INO80: variants seen among roughly 807,000 people sequenced by gnomAD.
INO80 encodes the protein chromatin-remodeling ATPase INO80.
INO80 carries 20 observed loss-of-function variants against 203.4 expected under a neutral mutation model. That is an observed-to-expected ratio of 0.10 (90% CI 0.07 to 0.14). The LOEUF is 0.14. Ranked by LOEUF, INO80 falls within the 10% of genes least tolerant of loss-of-function variation. INO80 has a pLI of 1.00. For synonymous variants in INO80, 726 were observed against 685.2 expected, an observed-to-expected ratio of 1.06 and a Z score of -0.93; for missense variants, 1,419 against 1,914.4, an observed-to-expected ratio of 0.74 and a Z score of 4.83.
chr15:41,091,882 G>A, intron 5 of INO80, 145 bp downstream of exon 5: 1 of 539,850 alleles, frequency 1.9e-6, no homozygotes, highest in Non-Finnish European at 3.2e-6. Context: ...TCAATTTCTT[G>A]ACCTCATGAT....
At chr15:41,015,545 C>T (rs182738885) in intron 27 of INO80, among the ~76,000 whole-genome samples, 2 of 152,118 alleles carry the variant, frequency 1.3e-5, no homozygotes, top group Admixed American at 1.3e-4. Context: ...AAGGGGTGTT[C>T]TATTTCACTG....
At position 41,096,344 on chromosome 15, in the gene INO80, G is replaced by T; in HGVS notation, c.-34C>A. 1 of 1,537,150 alleles carries T rather than the reference G, an allele frequency of 6.5e-7. No individual in the cohort carries two copies. The highest frequency in any genetic ancestry group is 1.2e-5 in the South Asian group (1 of 80,418). Reference sequence around the variant, plus strand: ...TCTGTCTTCATGCACAAGGACCTCCGACTGCACGGCTGCAGAACAGAGATA... The same window carrying T: ...TCTGTCTTCATGCACAAGGACCTCCTACTGCACGGCTGCAGAACAGAGATA... On this transcript the variant is annotated 5_prime_UTR_variant, in exon 2 of 36. Coordinates refer to ENST00000648947, the MANE Select transcript of INO80 (RefSeq NM_017553.3).
intron 24 of INO80, among the ~76,000 whole-genome samples, chr15:41,035,637 T>C (rs2044559255): frequency 6.6e-6 from 1 of 150,660 alleles, no homozygotes; most frequent in Non-Finnish European, 1.5e-5. Context: ...CTGGCCAACA[T>C]GGTGAAACCC....
chr15:41,049,456 C>T, intron 20 of INO80, 36 bp from the exon 21 acceptor site: 1 of 1,599,158 alleles, frequency 6.3e-7, no homozygotes, highest in Non-Finnish European at 8.6e-7. Context: ...AATATTACCA[C>T]ATGCAGACAT....
chr15:40,995,980 T>A (rs2043876099), intron 29 of INO80, among the ~76,000 whole-genome samples: 1 of 152,160 alleles, frequency 6.6e-6, no homozygotes, highest in Non-Finnish European at 1.5e-5. Context: ...AAAGTTTAGA[T>A]GCCAAGGAAG....
At chr15:41,060,728 C>T (rs140604230) in intron 14 of INO80, among the ~76,000 whole-genome samples, 17 of 152,124 alleles carry the variant, frequency 1.1e-4, no homozygotes, top group African/African-American at 2.4e-4. Context: ...GAATAGGTAC[C>T]GACTCCCCGC....
chr15:41,074,370 C>T lies in INO80; in HGVS notation c.1327G>A (p.Asp443Asn). 6.2e-7 allele frequency: 1 copy of T among 1,604,818 alleles called. No individual in the cohort carries two copies. Among genetic ancestry groups the T allele is most frequent in the Non-Finnish European group, 8.5e-7 (1 of 1,174,428 alleles). ...CTCTAAGTCCTGACTGAGGACTCAC[C>T]ATAATCCTCCTGTGTGATGTTAACT... Reference protein sequence around the residue: ...VVVNITQEDYDSNHFKAQALK... With the variant: ...VVVNITQEDYNSNHFKAQALK... The change falls in exon 10 of 36, where the codon GAT becomes AAT. Residue 443 changes from aspartate (D) to asparagine (N), a missense_variant and splice_region_variant. This residue lies in a region of INO80 where 116 missense variants were observed against 119.5 expected (regional missense o/e 0.97). Transcript: ENST00000648947.
chr15:41,015,607 ACT>A (rs1377109180), intron 27 of INO80, among the ~76,000 whole-genome samples: 1 of 151,782 alleles, frequency 6.6e-6, no homozygotes, highest in Non-Finnish European at 1.5e-5. Context: ...CCAGGAGCTA[ACT>A]CTGCTCCCTT....
intron 24 of INO80, chr15:41,027,988 A>T: frequency 3.8e-6 from 1 of 259,780 alleles, no homozygotes. Flanking sequence ...TCTGGAAGAG[A>T]TATTGTTAAT....
At chr15:40,998,239 T>C (rs1596244907) in intron 28 of INO80, among the ~76,000 whole-genome samples, 1 of 152,000 alleles carries the variant, frequency 6.6e-6, no homozygotes, top group African/African-American at 2.4e-5. Flanking sequence ...GCCAGGCTGG[T>C]CTTGAACTCC....
intron 23 of INO80, among the ~76,000 whole-genome samples, chr15:41,046,910 G>A (rs992526224): frequency 2.0e-5 from 3 of 151,686 alleles, no homozygotes; most frequent in Admixed American, 6.6e-5. Context: ...GAGCCACTGC[G>A]CCTGGGCCTG....
At chr15:41,063,232 G>A (rs1034436098) in intron 14 of INO80, among the ~76,000 whole-genome samples, 1 of 152,094 alleles carries the variant, frequency 6.6e-6, no homozygotes, top group Non-Finnish European at 1.5e-5. Flanking sequence ...AGCTACTCAG[G>A]ATGTTGAGGC....
intron 25 of INO80, among the ~76,000 whole-genome samples, chr15:41,022,332 C>T (rs2044306664): frequency 6.6e-6 from 1 of 152,184 alleles, no homozygotes; most frequent in Non-Finnish European, 1.5e-5. Context: ...ACCAAGGGAA[C>T]TTGATCTTGC....
At chr15:41,037,908 A>G (rs1008512246) in intron 24 of INO80, among the ~76,000 whole-genome samples, 1 of 151,586 alleles carries the variant, frequency 6.6e-6, no homozygotes, top group African/African-American at 2.4e-5. Context: ...GTGCCACTGC[A>G]CTTTAGCCTG....
intron 1 of INO80, among the ~76,000 whole-genome samples, chr15:41,113,182 C>T (rs2928150): frequency 0.12 from 18,046 of 151,864 alleles, 3,206 homozygotes; most frequent in African/African-American, 0.39. Context: ...CCCAAAGTGC[C>T]GGGATTACAG....
chr15:40,991,413 A>C (rs2043815363), intron 29 of INO80, among the ~76,000 whole-genome samples: 1 of 152,132 alleles, frequency 6.6e-6, no homozygotes, highest in Admixed American at 6.6e-5. Flanking sequence ...ATTAACCGTG[A>C]TGTGAACTGG....
At chr15:41,059,718 T>C in intron 15 of INO80, 149 bp downstream of exon 15, 1 of 540,958 alleles carries the variant, frequency 1.8e-6, no homozygotes, top group Non-Finnish European at 3.3e-6. Context: ...ACAGGAAAAG[T>C]ATTGTATCAG....
At position 41,049,962 on chromosome 15, in the gene INO80, G is replaced by A. The variant is rs2044840066; in HGVS notation, c.2415C>T (p.Leu805=). ...TCCTAAACTGCATGACCAGATTCAT[G>A]AGGCTGCTGGTGGTGTTCTGTGCTT... ...TQQAQNTTSS[L]MNLVMQFRKV... The change falls in exon 20 of 36, where the codon CTC becomes CTT. Residue 805 remains leucine (L), a synonymous_variant. Transcript: ENST00000648947. The A allele has an allele frequency of 6.8e-6, 11 of 1,613,540 alleles. No individual in the cohort carries two copies. Among genetic ancestry groups the A allele is most frequent in the South Asian group, 4.4e-5 (4 of 91,036 alleles).
chr15:41,090,653 G>C (rs1341480123), intron 5 of INO80, among the ~76,000 whole-genome samples: 1 of 152,100 alleles, frequency 6.6e-6, no homozygotes, highest in East Asian at 1.9e-4. Context: ...CAACAGCTAA[G>C]AGGCATGCGG....
Sources: gnomAD v4.1 joint callset for allele counts (sites outside exome capture counted in the v4.1 genomes callset) on GRCh38, gnomAD v4.1.1 for gene constraint, gnomAD v4.1.1 regional missense constraint, MANE v1.5 for transcripts, NCBI Gene and HGNC (gene_info 2026-07-23, HGNC 2026-07-21) for gene names.